SPEF2: variants seen among roughly 807,000 people sequenced by gnomAD.
The protein encoded by SPEF2 is sperm flagellar and cilia associated 2.
In SPEF2, 187 loss-of-function variants were observed where a neutral mutation model predicts 224.6. That is an observed-to-expected ratio of 0.83 (90% confidence interval 0.74 to 0.94). SPEF2 has a LOEUF of 0.94. Among genes scored for constraint, SPEF2 ranks in the 40% least tolerant of loss-of-function variants. The pLI, the probability that SPEF2 is intolerant of heterozygous loss-of-function variation, is 0.00. For missense variants in SPEF2, 2,170 were observed against 2,135.6 expected, an observed-to-expected ratio of 1.02 and a Z score of -0.32; for synonymous variants, 715 against 707.3, an observed-to-expected ratio of 1.01 and a Z score of -0.17.
At chr5:35,679,625 T>C (rs555589956) in intron 10 of SPEF2, among the ~76,000 whole-genome samples, 83 of 152,336 alleles carry the variant, frequency 5.4e-4, no homozygotes, top group Middle Eastern at 3.4e-3. Flanking sequence ...GTTAGGAATA[T>C]GAAATTAACC....
intron 2 of SPEF2, among the ~76,000 whole-genome samples, chr5:35,631,652 A>G (rs886941120): frequency 1.3e-5 from 2 of 152,220 alleles, no homozygotes; most frequent in African/African-American, 2.4e-5. Flanking sequence ...TGATAACACA[A>G]CGTTCATAGC....
chr5:35,790,360 A>G (rs1043588455), intron 30 of SPEF2: 1 of 541,128 alleles, frequency 1.8e-6, no homozygotes, highest in Non-Finnish European at 3.2e-6. Context: ...TCAGAAAATG[A>G]AAGTGATTAG....
chr5:35,693,258 C>T (rs964536701), intron 12 of SPEF2, among the ~76,000 whole-genome samples: 2 of 152,270 alleles, frequency 1.3e-5, no homozygotes, highest in African/African-American at 4.8e-5. Context: ...GTGGCTGAGG[C>T]AGGTGTTGAA....
intron 20 of SPEF2, among the ~76,000 whole-genome samples, chr5:35,716,023 T>C (rs1389633130): frequency 7.9e-5 from 12 of 152,028 alleles, no homozygotes; most frequent in Admixed American, 7.9e-4. Context: ...TCAAGGGGCA[T>C]TGTCATGAAG....
chr5:35,784,226 C>T (rs1256927409), intron 30 of SPEF2, among the ~76,000 whole-genome samples: 2 of 151,644 alleles, frequency 1.3e-5, no homozygotes, highest in African/African-American at 4.9e-5. Flanking sequence ...CTCCCGGGTT[C>T]ACGCCATTCT....
At position 35,705,692 on chromosome 5, in the gene SPEF2, G is replaced by A; in HGVS notation, c.2549G>A (p.Trp850Ter). 6 of 1,592,026 alleles carry A rather than the reference G, an allele frequency of 3.8e-6. No homozygotes were observed. The highest frequency in any genetic ancestry group is 1.2e-5 in the South Asian group (1 of 85,584). ...GACAACTGGCCTTTATTGGAGCAAT[G>A]GTTTTCAGAGCCAGAAAATATTTTG... ...FLDNWPLLEQ[W>*]FSEPENILIK... The change falls in exon 18 of 37, where the codon TGG (tryptophan) becomes TAG (stop). Residue 850 changes from tryptophan to a stop codon, truncating the protein, a stop_gained. Transcript: ENST00000356031. LOFTEE classifies it high-confidence loss of function.
chr5:35,773,806 C>CT (rs746415004), intron 27 of SPEF2, 87 bp from the exon 28 acceptor site: 310 of 1,444,826 alleles, frequency 2.1e-4, no homozygotes, highest in Non-Finnish European at 2.8e-4. Flanking sequence ...GCTTAACAAA[C>CT]TTTGCTTTGT....
At chr5:35,675,802 CAA>C in intron 10 of SPEF2, 2 of 392,482 alleles carry the variant, frequency 5.1e-6, no homozygotes, top group South Asian at 3.7e-5. Context: ...TATTAGTTTT[CAA>C]AGAGGGCTCT....
Position 35,630,160 on chromosome 5 carries a change from C to T in SPEF2, c.161+1598C>T, listed in dbSNP as rs139314269. Among the ~76,000 whole-genome samples the T allele has an allele frequency of 6.2e-3, 940 of 152,262 alleles. 9 individuals are homozygous for T. The highest frequency in any genetic ancestry group is 0.021 in the African/African-American group (888 of 41,540). Reference sequence around the variant, plus strand: ...GTCCCTGTGGCTTTCAGGGTACAACCCCCCTCCTGGCTGCATTCACAGGCT... The same window carrying T: ...GTCCCTGTGGCTTTCAGGGTACAACTCCCCTCCTGGCTGCATTCACAGGCT... On this transcript the variant is annotated intron_variant, in intron 2 of 36. Transcript: ENST00000356031.
intron 10 of SPEF2, chr5:35,675,738 T>TA (rs1751902954): frequency 9.9e-6 from 3 of 303,660 alleles, no homozygotes; most frequent in East Asian, 1.5e-4. Context: ...CCAGGATTCT[T>TA]ATTTGTAGTA....
chr5:35,646,378 T>TG (rs1401074263), intron 4 of SPEF2, among the ~76,000 whole-genome samples: 1 of 152,200 alleles, frequency 6.6e-6, no homozygotes, highest in African/African-American at 2.4e-5. Context: ...TATTTATATT[T>TG]GGGACATCTT....
At chr5:35,811,858 C>T (rs916758322) in intron 36 of SPEF2, among the ~76,000 whole-genome samples, 12 of 147,406 alleles carry the variant, frequency 8.1e-5, no homozygotes, top group African/African-American at 2.6e-4. Context: ...AATCTTGGCT[C>T]ACTGCAAGCT....
rs1257363477 is a variant in SPEF2, at chr5:35,672,800, A to G, written c.1524+2573A>G. 2.6e-5 allele frequency among the ~76,000 whole-genome samples: 4 copies of G among 152,240 alleles called. No homozygotes were observed. In the East Asian group the frequency reaches 7.7e-4, roughly 29 times the overall value. Reference sequence around the variant, plus strand: ...CATACTTAATTGATGTCCATACCCTATACCTTTAAAGAACTGACAGTTCCC... The same window carrying G: ...CATACTTAATTGATGTCCATACCCTGTACCTTTAAAGAACTGACAGTTCCC... On this transcript the variant is annotated intron_variant, in intron 10 of 36. Transcript: ENST00000356031.
chr5:35,799,232 C>G (rs929817433), intron 33 of SPEF2, among the ~76,000 whole-genome samples: 1 of 152,212 alleles, frequency 6.6e-6, no homozygotes, highest in Non-Finnish European at 1.5e-5. Flanking sequence ...AGGTAGCAGT[C>G]TCCCCAGACA....
intron 19 of SPEF2, chr5:35,710,289 G>A (rs942256979): frequency 2.1e-6 from 2 of 974,480 alleles, no homozygotes; most frequent in African/African-American, 3.5e-5. Context: ...CAAGCATGGT[G>A]GCTCATCCCT....
chr5:35,706,474 A>T (rs1446199030), intron 18 of SPEF2, among the ~76,000 whole-genome samples: 1 of 152,098 alleles, frequency 6.6e-6, no homozygotes, highest in Non-Finnish European at 1.5e-5. Flanking sequence ...TTTTAACTTC[A>T]GTCCAATATC....
At position 35,747,092 on chromosome 5, in the gene SPEF2, G is replaced by T. The variant is rs188824310; in HGVS notation, c.3331-6532G>T. On this transcript the variant is annotated intron_variant, in intron 23 of 36. Coordinates refer to ENST00000356031, the MANE Select transcript of SPEF2 (RefSeq NM_024867.4). Reference sequence around the variant, plus strand: ...AACTAAGCATCGTATATGAAGGAAAGACATAGTCTTTTTCAAACAAACAAA... The same window carrying T: ...AACTAAGCATCGTATATGAAGGAAATACATAGTCTTTTTCAAACAAACAAA... 2.0e-5 allele frequency among the ~76,000 whole-genome samples: 3 copies of T among 152,238 alleles called. No homozygotes were observed. The East Asian group carries it at 5.8e-4, about 29-fold the overall frequency.
chr5:35,705,316 A>G (rs1739530380), intron 17 of SPEF2, among the ~76,000 whole-genome samples: 1 of 152,038 alleles, frequency 6.6e-6, no homozygotes, highest in South Asian at 2.1e-4. Context: ...TAGGTGCATC[A>G]GGCTGTAGCT....
chr5:35,807,453 A>G (rs577894372), intron 36 of SPEF2, among the ~76,000 whole-genome samples, 200 bp downstream of exon 36: 148 of 152,300 alleles, frequency 9.7e-4, no homozygotes, highest in African/African-American at 3.4e-3. Context: ...AAGCTCAGGC[A>G]CATTTGATAG....
Sources: allele counts gnomAD v4.1 joint callset (sites outside exome capture counted in the v4.1 genomes callset), GRCh38; gene constraint gnomAD v4.1.1; transcripts MANE v1.5; gene names NCBI Gene and HGNC (gene_info 2026-07-23, HGNC 2026-07-21).